The following PCDHA1 variants were observed in gnomAD, a reference collection of about 807,000 sequenced individuals.
PCDHA1 encodes protocadherin alpha-1.
PCDHA1 carries 42 observed loss-of-function variants against 61.3 expected under a neutral mutation model. That is an observed-to-expected ratio of 0.69 (90% confidence interval 0.54 to 0.89). The LOEUF is 0.89. PCDHA1 is among the 40% of genes least tolerant of loss of function. PCDHA1 has a pLI of 0.00. For synonymous variants in PCDHA1, 610 were observed against 553.8 expected, an observed-to-expected ratio of 1.10 and a Z score of -1.43; for missense variants, 1,256 against 1,235.3, an observed-to-expected ratio of 1.02 and a Z score of -0.25.
chr5:140,788,908 G>A, intron 1 of PCDHA1: 1 of 1,107,848 alleles, frequency 9.0e-7, no homozygotes, highest in Non-Finnish European at 1.2e-6. Flanking sequence ...TGATTTAAAT[G>A]GCAGGTTAAA....
intron 1 of PCDHA1, chr5:140,850,800 C>T (rs1554144941): frequency 1.9e-6 from 3 of 1,598,392 alleles, no homozygotes; most frequent in African/African-American, 1.3e-5. Context: ...GAAGACCGAC[C>T]TCATGGCCTT....
At chr5:140,803,984 A>G (rs1763315135) in intron 1 of PCDHA1, 1 of 299,790 alleles carries the variant, frequency 3.3e-6, no homozygotes, top group African/African-American at 2.2e-5. Flanking sequence ...TGGACTTCCT[A>G]CTACCTGTTA....
intron 1 of PCDHA1, chr5:140,875,861 C>T (rs2055878739): frequency 6.2e-7 from 1 of 1,614,020 alleles, no homozygotes; most frequent in Non-Finnish European, 8.5e-7. Context: ...AACGACAACC[C>T]GCCGGTGTTC....
rs2150398719 is a variant in PCDHA1 at position 140,847,297 on chromosome 5, C to G, written c.2394+58613C>G. ...GAACGGGAAGACAAACTCAGAAGCT[C>G]CTGCAGTAATCAAGGACAGAAGCAA... On this transcript the variant is annotated intron_variant, in intron 1 of 3. Transcript: ENST00000504120. Among the ~76,000 whole-genome samples the G allele has an allele frequency of 1.1e-4, 16 of 149,638 alleles. 2 individuals carry two copies. The highest frequency in any genetic ancestry group is 3.9e-4 in the African/African-American group (16 of 40,870).
At chr5:140,823,098 T>C (rs1244552333) in intron 1 of PCDHA1, 8 of 1,613,868 alleles carry the variant, frequency 5.0e-6, no homozygotes, top group Middle Eastern at 1.7e-4. Context: ...CCAGCGTGTC[T>C]GTGGAAGTGG....
intron 1 of PCDHA1, chr5:140,875,484 C>A: frequency 6.2e-7 from 1 of 1,611,246 alleles, no homozygotes. Context: ...TGGTGATTAT[C>A]GGACCAAGAG....
At position 140,788,043 on chromosome 5, in the gene PCDHA1, G is replaced by T. The variant is rs782529116; in HGVS notation, c.1753G>T (p.Val585Leu). The change falls in exon 1 of 4, where the codon GTG becomes TTG. Residue 585 changes from valine to leucine, a missense_variant. Coordinates refer to ENST00000504120, the MANE Select transcript of PCDHA1 (RefSeq NM_018900.4). The part of the protein sequence containing the change: ...GAVSELVPRL[V>L]GAGHVVAKVR... ...AGTCAGTGAGCTGGTGCCGCGATTG[G>T]TGGGTGCGGGTCATGTGGTGGCGAA... 3.7e-6 allele frequency: 6 copies of T among 1,613,910 alleles called. No individual in the cohort carries two copies. The highest frequency in any genetic ancestry group is 5.1e-6 in the Non-Finnish European group (6 of 1,179,914).
At chr5:140,804,051 GA>G (rs1763327838) in intron 1 of PCDHA1, 1 of 164,994 alleles carries the variant, frequency 6.1e-6, no homozygotes. Context: ...ACTCCCTATT[GA>G]TTATGCTTTT....
At chr5:140,828,166 G>T (rs2150151678) in intron 1 of PCDHA1, 1 of 1,614,182 alleles carries the variant, frequency 6.2e-7, no homozygotes, top group Non-Finnish European at 8.5e-7. Context: ...CAGCCTGGAA[G>T]GTGGGGAGCG....
At chr5:140,998,850 A>T (rs904977478) in intron 3 of PCDHA1, among the ~76,000 whole-genome samples, 1 of 152,234 alleles carries the variant, frequency 6.6e-6, no homozygotes, top group African/African-American at 2.4e-5. Context: ...GGTGTGAGCC[A>T]CATGCCTGGC....
At chr5:140,858,533 T>C in intron 1 of PCDHA1, 4 of 1,397,322 alleles carry the variant, frequency 2.9e-6, no homozygotes, top group Non-Finnish European at 4.0e-6. Context: ...TTCATTTTTG[T>C]CTACATTCCA....
intron 1 of PCDHA1, chr5:140,928,747 C>G (rs781895762): frequency 6.2e-7 from 1 of 1,614,132 alleles, no homozygotes; most frequent in Non-Finnish European, 8.5e-7. Context: ...AGGTGAGCTC[C>G]GTACTGCTCG....
At chr5:140,899,693 A>G (rs1269311819) in intron 1 of PCDHA1, among the ~76,000 whole-genome samples, 1 of 152,240 alleles carries the variant, frequency 6.6e-6, no homozygotes, top group East Asian at 1.9e-4. Flanking sequence ...TGCTGGCCTC[A>G]TAAAATGAGT....
chr5:140,949,852 T>C (rs1311994394), intron 1 of PCDHA1, among the ~76,000 whole-genome samples: 1 of 151,956 alleles, frequency 6.6e-6, no homozygotes. Context: ...TGTTTCCGCT[T>C]ATCTGTTGTC....
intron 1 of PCDHA1, chr5:140,803,869 A>C: frequency 1.8e-6 from 1 of 562,586 alleles, no homozygotes; most frequent in Non-Finnish European, 3.1e-6. Context: ...TATAAGACAA[A>C]TATTTTTTCT....
intron 1 of PCDHA1, among the ~76,000 whole-genome samples, chr5:140,972,660 ATTTTTTTT>A (rs11350929): frequency 6.0e-5 from 7 of 117,270 alleles, no homozygotes; most frequent in African/African-American, 2.0e-4. Flanking sequence ...AAGAAACCAA[ATTTTTTTT>A]TTTTTTTTTT....
intron 1 of PCDHA1, among the ~76,000 whole-genome samples, chr5:140,948,738 A>T (rs1347138284): frequency 6.6e-6 from 1 of 151,488 alleles, no homozygotes; most frequent in African/African-American, 2.4e-5. Flanking sequence ...CTAGCTGAGA[A>T]TTTATCAATT....
At chr5:140,791,956 G>A (rs1482833582) in intron 1 of PCDHA1, among the ~76,000 whole-genome samples, 1 of 152,016 alleles carries the variant, frequency 6.6e-6, no homozygotes, top group African/African-American at 2.4e-5. Context: ...TTAGCAATGG[G>A]TACTATATTA....
intron 1 of PCDHA1, chr5:140,850,491 C>T (rs2150486292): frequency 1.3e-6 from 2 of 1,597,970 alleles, no homozygotes; most frequent in South Asian, 1.1e-5. Flanking sequence ...GGCCACTGTG[C>T]TGGTGTCGCT....
Sources: gnomAD v4.1 joint callset for allele counts (sites outside exome capture counted in the v4.1 genomes callset) on GRCh38, gnomAD v4.1.1 for gene constraint, MANE v1.5 for transcripts, NCBI Gene and HGNC (gene_info 2026-07-23, HGNC 2026-07-21) for gene names.